Variants in CLCF1 observed in about 807,000 individuals in gnomAD.
CLCF1 encodes cardiotrophin like cytokine factor 1.
Under a neutral mutation model 21.2 loss-of-function variants are expected in CLCF1, and 10 were observed. The observed-to-expected ratio is 0.47, with a 90% CI of 0.29 to 0.80. The LOEUF (loss-of-function observed/expected upper bound fraction) is 0.80, where lower values mean the gene tolerates loss of function less well. Among genes scored for constraint, CLCF1 ranks in the 30% least tolerant of loss-of-function variants. The probability of loss-of-function intolerance (pLI) is 0.09; values close to 1 mark genes in which losing one functional copy is unlikely to be tolerated. For missense variants in CLCF1, 240 were observed against 293.4 expected, an observed-to-expected ratio of 0.82 and a Z score of 1.33; for synonymous variants, 115 against 120.5, an observed-to-expected ratio of 0.95 and a Z score of 0.30.
chr11:67,369,672 C>T (rs1400453298), intron 1 of CLCF1: 1 of 985,348 alleles, frequency 1.0e-6, no homozygotes, highest in African/African-American at 1.7e-5. Context: ...TGGCTTCACT[C>T]AAAGTTAGTG....
At position 67,365,529 on chromosome 11, in the gene CLCF1, T is replaced by G; in HGVS notation, c.285A>C (p.Arg95=). ...TCAGCCGCAGTTTGTCATTGAGGCT[T>G]CGCCACACCTCCAAGTCAACAGTGG... ...PRATVDLEVW[R]SLNDKLRLTQ... Residue 95 remains arginine, a synonymous_variant, in exon 3 of 3, where the codon CGA becomes CGC. Coordinates refer to ENST00000312438, the MANE Select transcript of CLCF1 (RefSeq NM_013246.3). This position sits in a 1 kb window ranked among gnomAD's most constrained non-coding sequence, Gnocchi z 5.0. 1 of 1,614,046 alleles carries G rather than the reference T, an allele frequency of 6.2e-7. No homozygotes were observed.
intron 1 of CLCF1, chr11:67,369,035 G>A (rs953289899): frequency 3.1e-6 from 3 of 980,892 alleles, no homozygotes; most frequent in Non-Finnish European, 3.6e-6. Context: ...ACTTAGATAG[G>A]TATAACGCTT....
chr11:67,372,071 T>C lies in CLCF1; in HGVS notation c.16+1453A>G, dbSNP rs2134899627. On this transcript the variant is annotated intron_variant, in intron 1 of 2. Transcript: ENST00000312438. This position sits in a 1 kb window ranked among gnomAD's most constrained non-coding sequence, Gnocchi z 5.9. ...GTTAGGGGAATATGTACTCGCATCC[T>C]GTCCGGTGTGAGGGGCAACGTGTGC... Among the ~76,000 whole-genome samples the C allele has an allele frequency of 6.6e-6, 1 of 152,126 alleles. No individual in the cohort carries two copies. The highest frequency in any genetic ancestry group is 1.9e-4 in the East Asian group (1 of 5,190).
rs1362986131 is a variant in CLCF1, at chr11:67,369,689, C to A, written c.17-2063G>T. The A allele has an allele frequency of 5.1e-6, 5 of 985,344 alleles. No homozygotes were observed. The African/African-American group carries it at 7.0e-5, about 14-fold the overall frequency. 61.0% of individuals were successfully genotyped at this position (985,344 alleles called of 1,614,324 possible). A position where few individuals can be genotyped will look rare whatever the true frequency, so the allele number is the denominator to read the frequency against. On this transcript the variant is annotated intron_variant, in intron 1 of 2. Transcript: ENST00000312438. ...GCTTCACTCAAAGTTAGTGGCGAGA[C>A]CAAGGGTCCCAACTGAAGCCGGAGC...
chr11:67,369,551 A>G, intron 1 of CLCF1: 1 of 985,408 alleles, frequency 1.0e-6, no homozygotes, highest in Non-Finnish European at 1.2e-6. Context: ...GGGATCTGGC[A>G]GTCACCTCTA....
rs3837416 is a variant in CLCF1, at chr11:67,370,611, AACAC to A, written c.16+2909_16+2912del. ...CCTAGGAACCAAGGCTCTCCTCATGAACACACACACACACACACACTCTCTCTCT... is the reference window on the plus strand; with the variant it reads ...CCTAGGAACCAAGGCTCTCCTCATGAACACACACACACACACTCTCTCTCT... On this transcript the variant is annotated intron_variant, in intron 1 of 2. Transcript: ENST00000312438. 2.7e-4 allele frequency: 259 copies of A among 946,934 alleles called. No individual in the cohort carries two copies. In the African/African-American group the frequency reaches 3.2e-3, roughly 12 times the overall value. 58.7% of individuals were successfully genotyped at this position (946,934 alleles called of 1,614,324 possible). A position where few individuals can be genotyped will look rare whatever the true frequency, so the allele number is the denominator to read the frequency against.
intron 1 of CLCF1, among the ~76,000 whole-genome samples, chr11:67,371,518 G>A (rs779682210): frequency 6.6e-6 from 1 of 152,240 alleles, no homozygotes; most frequent in Non-Finnish European, 1.5e-5. Flanking sequence ...CAGCCCCACT[G>A]CCTTATGAAG....
rs1030951664 is a variant in CLCF1, at chr11:67,370,183, C to A, written c.17-2557G>T. ...CTTCCACTCTGGGCAAAGCCATGCC[C>A]GTGTCTCAGGCAGCAGGAGGGAAAG... On this transcript the variant is annotated intron_variant, in intron 1 of 2. Coordinates refer to ENST00000312438, the MANE Select transcript of CLCF1 (RefSeq NM_013246.3). 3 of 985,280 alleles carry A rather than the reference C, an allele frequency of 3.0e-6. No homozygotes were observed. In the East Asian group the frequency reaches 3.4e-4, roughly 112 times the overall value. 61.0% of individuals were successfully genotyped at this position (985,280 alleles called of 1,614,324 possible).
intron 1 of CLCF1, chr11:67,370,546 C>CACCCCCTATCCTGGCCCCA (rs2134894301): frequency 1.0e-6 from 1 of 984,382 alleles, no homozygotes; most frequent in Non-Finnish European, 1.2e-6. Flanking sequence ...AACAGCCCCC[C>CACCCCCTATCCTGGCCCCA]ACCCCCGGCC....
chr11:67,365,200 A>G lies in CLCF1; in HGVS notation c.614T>C (p.Leu205Pro). ...LWRSAKDFNR[L>P]KKKMQPPAAA... ...TGCTGGAGGCTGCATCTTCTTCTTGAGCCGGTTGAAGTCCTTGGCCGAGCG... is the reference window on the plus strand; with the variant it reads ...TGCTGGAGGCTGCATCTTCTTCTTGGGCCGGTTGAAGTCCTTGGCCGAGCG... Residue 205 changes from leucine to proline, a missense_variant, in exon 3 of 3, where the codon CTC becomes CCC. Transcript: ENST00000312438. The surrounding 1 kb of genome is among the most constrained non-coding windows in gnomAD (Gnocchi z 5.0). 1 of 1,614,006 alleles carries G rather than the reference A, an allele frequency of 6.2e-7. No individual in the cohort carries two copies.
chr11:67,372,564 C>CG lies in CLCF1; in HGVS notation c.16+959dup, dbSNP rs1862260517. 6.6e-6 allele frequency among the ~76,000 whole-genome samples: 1 copy of CG among 150,848 alleles called. No homozygotes were observed. Among genetic ancestry groups the CG allele is most frequent in the Non-Finnish European group, 1.5e-5 (1 of 67,512 alleles). On this transcript the variant is annotated intron_variant, in intron 1 of 2. Transcript: ENST00000312438. This position sits in a 1 kb window ranked among gnomAD's most constrained non-coding sequence, Gnocchi z 5.9. The stretch of plus-strand genomic sequence containing the variant: ...GCTGCGCCTTCCCCCTGTGTGGCCT[C>CG]GGCGCCCCCGGCCCCGCCCCCTCCC...
In CLCF1 at chr11:67,368,621, G is replaced by T. The variant is rs1219443521; in HGVS notation, c.17-995C>A. On this transcript the variant is annotated intron_variant, in intron 1 of 2. Transcript: ENST00000312438. ...AGGCAGTTAGGGTTTGGCTAGGGTA[G>T]ATATAATTGGCATTGGGCTAGGTTA... 7.1e-6 allele frequency: 7 copies of T among 985,424 alleles called. No individual in the cohort carries two copies. The East Asian group carries it at 7.9e-4, about 112-fold the overall frequency. The allele number at this position is 985,424 out of a possible 1,614,324, so 61.0% of individuals were successfully genotyped here.
At position 67,365,499 on chromosome 11, in the gene CLCF1, C is replaced by T. The variant is rs757920303; in HGVS notation, c.315G>A (p.Gln105=). 3 of 1,614,120 alleles carry T rather than the reference C, an allele frequency of 1.9e-6. No homozygotes were observed. ...GAAGGTGGCTGTAGGCCTCGTAGTT[C>T]TGGGTCAGCCGCAGTTTGTCATTGA... ...RSLNDKLRLT[Q]NYEAYSHLLC... is the part of the protein sequence containing the mutation. The change falls in exon 3 of 3, where the codon CAG becomes CAA. Residue 105 remains glutamine, a synonymous_variant. Transcript: ENST00000312438. The surrounding 1 kb of genome is among the most constrained non-coding windows in gnomAD (Gnocchi z 5.0).
At chr11:67,373,428 C>A (rs2134905999) in intron 1 of CLCF1, 96 bp downstream of exon 1, 1 of 656,458 alleles carries the variant, frequency 1.5e-6, no homozygotes, top group East Asian at 3.5e-5. Context: ...GGCCCGGCCC[C>A]GGCGCGGGGC....
intron 1 of CLCF1, chr11:67,369,257 G>C (rs1862180491): frequency 2.0e-6 from 2 of 985,288 alleles, no homozygotes; most frequent in African/African-American, 3.5e-5. Context: ...TGTGTGACTG[G>C]CCGGCTTTAC....
intron 1 of CLCF1, chr11:67,368,524 G>A (rs1254969125): frequency 1.0e-6 from 1 of 985,226 alleles, no homozygotes; most frequent in African/African-American, 1.7e-5. Flanking sequence ...TGTGGGCAGT[G>A]GGGAAATATG....
At position 67,368,432 on chromosome 11, in the gene CLCF1, T is replaced by C. The variant is rs1394416829; in HGVS notation, c.17-806A>G. 3.0e-6 allele frequency: 3 copies of C among 985,110 alleles called. No individual in the cohort carries two copies. In the Admixed American group the frequency reaches 1.8e-4, roughly 61 times the overall value. The allele number at this position is 985,110 out of a possible 1,614,324, so 61.0% of individuals were successfully genotyped here. On this transcript the variant is annotated intron_variant, in intron 1 of 2. Transcript: ENST00000312438. The stretch of plus-strand genomic sequence containing the variant: ...AGAGGTGCATTTGACGAGTCGGGCT[T>C]GTTGGCTGATGGCACTGCAGAGTTT...
intron 1 of CLCF1, among the ~76,000 whole-genome samples, chr11:67,371,504 G>A (rs373763681): frequency 1.3e-5 from 2 of 152,232 alleles, no homozygotes; most frequent in East Asian, 3.9e-4. Flanking sequence ...AGCTGAGGGT[G>A]GGCCAGCCCC....
upstream of CLCF1, chr11:67,373,789 G>T (rs1862288755): frequency 9.2e-7 from 1 of 1,092,520 alleles, no homozygotes; most frequent in African/African-American, 1.7e-5. Flanking sequence ...GGGTAGGAGG[G>T]GGGAGGAGGG....
Sources: gnomAD v4.1 joint callset for allele counts (sites outside exome capture counted in the v4.1 genomes callset) on GRCh38, gnomAD v4.1.1 for gene constraint, Gnocchi (gnomAD v3.1) non-coding constraint, MANE v1.5 for transcripts, NCBI Gene and HGNC (gene_info 2026-07-23, HGNC 2026-07-21) for gene names.